Variants in TCF20 observed in about 807,000 individuals in gnomAD.
TCF20 encodes SPRE-binding protein.
Under a neutral mutation model 148.6 loss-of-function variants are expected in TCF20, and 3 were observed. The ratio of observed to expected loss-of-function variants is 0.02; its 90% CI spans 0.01 to 0.05. The LOEUF is 0.05. Among genes scored for constraint, TCF20 ranks in the 10% least tolerant of loss-of-function variants. TCF20 has a pLI of 1.00. For missense variants in TCF20, 2,350 were observed against 2,429.3 expected (o/e 0.97, Z 0.69); for synonymous variants, 1,049 against 909.5 (o/e 1.15, Z -2.76).
chr22:42,287,730 T>C (rs1409655999), upstream of TCF20, among the ~76,000 whole-genome samples: 2 of 152,100 alleles, frequency 1.3e-5, no homozygotes, highest in Non-Finnish European at 2.9e-5. Flanking sequence ...ACCATTCTAC[T>C]GCTGGAAAAC....
chr22:42,286,290 G>A (rs982403008), upstream of TCF20, among the ~76,000 whole-genome samples: 2 of 152,126 alleles, frequency 1.3e-5, no homozygotes, highest in Non-Finnish European at 2.9e-5. Flanking sequence ...CAAGAAATAC[G>A]CCCTGAGGAA....
intron 2 of TCF20, among the ~76,000 whole-genome samples, chr22:42,189,190 T>C (rs1428029439): frequency 6.6e-6 from 1 of 152,082 alleles, no homozygotes; most frequent in African/African-American, 2.4e-5. Flanking sequence ...TGGAAATGCA[T>C]ACAAGAGGCA....
chr22:42,194,768 CCT>C (rs2147140493), intron 2 of TCF20, among the ~76,000 whole-genome samples: 1 of 152,014 alleles, frequency 6.6e-6, no homozygotes, highest in African/African-American at 2.4e-5. Flanking sequence ...GCCTATTTCC[CCT>C]GCCACTCACG....
In TCF20 at chr22:42,324,004, G is replaced by A. The variant is rs1432948665; in HGVS notation, c.-37+19475C>T. Among the ~76,000 whole-genome samples, 62 of 76,948 alleles carry A rather than the reference G, an allele frequency of 8.1e-4. 6 individuals carry two copies. The highest frequency in any genetic ancestry group is 3.4e-3 in the African/African-American group (36 of 10,498). 50.5% of individuals were successfully genotyped at this position (76,948 alleles called of 152,430 possible). On this transcript the variant is annotated intron_variant, in intron 1 of 1. Transcript: ENST00000515426. ...GGAGGTTATGGTGGTGGAGGTGGTG[G>A]CGGAGGTTATGGTGGTGGTGGTGGT...
At chr22:42,238,529 C>A (rs548166286) in intron 1 of TCF20, among the ~76,000 whole-genome samples, 1 of 152,200 alleles carries the variant, frequency 6.6e-6, no homozygotes, top group Non-Finnish European at 1.5e-5. Context: ...TAGTATTCAG[C>A]CTATCTTGGC....
intron 2 of TCF20, among the ~76,000 whole-genome samples, chr22:42,186,636 T>A (rs1937060107): frequency 6.6e-6 from 1 of 152,194 alleles, no homozygotes; most frequent in Non-Finnish European, 1.5e-5. Flanking sequence ...TAAGTCTAGC[T>A]GCTGTATGTT....
In TCF20 at chr22:42,211,913, T is replaced by C; in HGVS notation, c.3393A>G (p.Arg1131=). 1 of 1,614,234 alleles carries C rather than the reference T, an allele frequency of 6.2e-7. No homozygotes were observed. The highest frequency in any genetic ancestry group is 8.5e-7 in the Non-Finnish European group (1 of 1,180,040). ...KSPRQQQFLD[R]VRSPLKNDKD... ...TGTCATTTTTCAGAGGGCTCCGTAC[T>C]CTGTCAAGAAACTGCTGCTGCCTTG... The change falls in exon 2 of 6, where the codon AGA becomes AGG. Residue 1131 remains arginine, a synonymous_variant. Transcript: ENST00000677622.
intron 1 of TCF20, among the ~76,000 whole-genome samples, chr22:42,342,628 C>T (rs1275445129): frequency 1.3e-5 from 2 of 152,218 alleles, no homozygotes; most frequent in Non-Finnish European, 2.9e-5. Flanking sequence ...TAGGCAGCCC[C>T]ACCATGCTGG....
chr22:42,296,054 C>T (rs1013702991), intron 1 of TCF20, among the ~76,000 whole-genome samples: 12 of 152,228 alleles, frequency 7.9e-5, no homozygotes, highest in Non-Finnish European at 1.5e-4. Flanking sequence ...GTTTCCTCAT[C>T]CGTAAAATGG....
chr22:42,247,149 T>C (rs1044176151), intron 1 of TCF20, among the ~76,000 whole-genome samples: 2 of 151,578 alleles, frequency 1.3e-5, no homozygotes, highest in Admixed American at 6.6e-5. Context: ...TCTCAAAAGA[T>C]GGAGAACAGG....
chr22:42,223,099 A>C (rs1922530864), intron 1 of TCF20, among the ~76,000 whole-genome samples: 1 of 152,204 alleles, frequency 6.6e-6, no homozygotes, highest in Admixed American at 6.5e-5. Context: ...CAGTGAGCCG[A>C]GGCTGCACGC....
chr22:42,170,626 CAAAAAAAAAAAAAAAAAA>C (rs58579686), intron 3 of TCF20, among the ~76,000 whole-genome samples: 2 of 72,100 alleles, frequency 2.8e-5, no homozygotes. Flanking sequence ...GACTCCGTCT[CAAAAAAAAAAAAAAAAAA>C]AAAAAAAAAA....
At chr22:42,247,677 G>A (rs1406100727) in intron 1 of TCF20, among the ~76,000 whole-genome samples, 1 of 152,078 alleles carries the variant, frequency 6.6e-6, no homozygotes, top group Admixed American at 6.6e-5. Context: ...CTACCTTTCA[G>A]AAGATTTTCT....
At chr22:42,278,301 A>G (rs896973208) in intron 1 of TCF20, 2 of 152,196 alleles carry the variant, frequency 1.3e-5, no homozygotes, top group African/African-American at 4.8e-5. Flanking sequence ...CTGGGTAGTT[A>G]CTGCTTTACA....
chr22:42,221,985 G>A lies in TCF20; in HGVS notation c.-36-6644C>T, dbSNP rs552961459. 3.9e-4 allele frequency among the ~76,000 whole-genome samples: 59 copies of A among 151,918 alleles called. 1 individual carries two copies. The East Asian group carries it at 5.4e-3, about 14-fold the overall frequency. On this transcript the variant is annotated intron_variant, in intron 1 of 5. Transcript: ENST00000677622. ...GATCTCCTGACCTCATGATCCGCCC[G>A]CCTCAGCCTCCCAAAGTGCTGGGAT...
At chr22:42,179,441 G>A (rs1481888457) in intron 3 of TCF20, among the ~76,000 whole-genome samples, 168 bp downstream of exon 3, 1 of 146,592 alleles carries the variant, frequency 6.8e-6, no homozygotes, top group Non-Finnish European at 1.5e-5. Context: ...GGAGGGAAGG[G>A]AAGGGAGATG....
At chr22:42,276,131 G>C (rs1286962464) in intron 1 of TCF20, among the ~76,000 whole-genome samples, 1 of 152,188 alleles carries the variant, frequency 6.6e-6, no homozygotes, top group Non-Finnish European at 1.5e-5. Context: ...GCCACATGCT[G>C]AGGCATGCTG....
At chr22:42,329,935 A>C (rs527696024) in intron 1 of TCF20, among the ~76,000 whole-genome samples, 139 of 152,302 alleles carry the variant, frequency 9.1e-4, no homozygotes, top group Admixed American at 1.8e-3. Context: ...CCAAGTTCAA[A>C]TACAGGTAGG....
chr22:42,166,609 C>CA (rs545755110), intron 5 of TCF20, among the ~76,000 whole-genome samples: 9,277 of 70,268 alleles, frequency 0.13, 1,112 homozygotes, highest in African/African-American at 0.35. Flanking sequence ...AATCCGTCTC[C>CA]AAAAAAAAAA....
Sources: allele counts gnomAD v4.1 joint callset (sites outside exome capture counted in the v4.1 genomes callset), GRCh38; gene constraint gnomAD v4.1.1; transcripts MANE v1.5; gene names NCBI Gene and HGNC (gene_info 2026-07-23, HGNC 2026-07-21).